The following PHF14 variants were observed in gnomAD, a reference collection of about 807,000 sequenced individuals.
PHF14 encodes PHD finger protein 14.
Under a neutral mutation model 117.9 loss-of-function variants are expected in PHF14, and 55 were observed. The observed-to-expected ratio is 0.47, with a 90% CI of 0.38 to 0.58. PHF14 has a LOEUF of 0.58. PHF14 is among the 20% of genes least tolerant of loss of function. PHF14 has a pLI of 0.00. For missense variants in PHF14, 978 were observed against 1,122.2 expected, an observed-to-expected ratio of 0.87 and a Z score of 1.84; for synonymous variants, 409 against 368.6, an observed-to-expected ratio of 1.11 and a Z score of -1.26.
chr7:11,053,693 G>A (rs1259450166), intron 14 of PHF14, among the ~76,000 whole-genome samples: 3 of 151,978 alleles, frequency 2.0e-5, no homozygotes, highest in East Asian at 1.9e-4. Flanking sequence ...GGGAAATTAT[G>A]TATATTACAG....
chr7:11,138,391 C>A (rs1323337247), intron 17 of PHF14, among the ~76,000 whole-genome samples: 1 of 151,900 alleles, frequency 6.6e-6, no homozygotes, highest in East Asian at 1.9e-4. Flanking sequence ...GAAAAAAAAA[C>A]ACAGTTGAGA....
rs1179855821 is a variant in PHF14, at chr7:10,990,747, A to G, written c.945A>G (p.Lys315=). The G allele has an allele frequency of 6.4e-7, 1 of 1,569,244 alleles. No homozygotes were observed. The highest frequency in any genetic ancestry group is 1.4e-5 in the African/African-American group (1 of 74,012). Residue 315 remains lysine, a synonymous_variant, in exon 4 of 18, where the codon AAA becomes AAG. Coordinates refer to ENST00000634607, the MANE Select transcript of PHF14 (RefSeq NM_001007157.2). ...AGAGTCAAAACTGGAGCTCTCAAAA[A>G]ATGGACCATATTCTGATTTGCTGTG... ...LEKSQNWSSQ[K]MDHILICCVC...
At chr7:10,976,449 A>C (rs1432313097) in intron 2 of PHF14, among the ~76,000 whole-genome samples, 1 of 152,180 alleles carries the variant, frequency 6.6e-6, no homozygotes, top group African/African-American at 2.4e-5. Flanking sequence ...AAACTTTGAC[A>C]AACATAGTTG....
chr7:11,040,723 A>G lies in PHF14; in HGVS notation c.2128A>G (p.Lys710Glu). ...AGCACCCAAGGAGAGAAAACCAAGT[A>G]AAAAAGAAGGAGGCACACAAAAGAC... ...LRAPKERKPS[K>E]KEGGTQKTST... Residue 710 changes from lysine to glutamate, a missense_variant, in exon 12 of 18, where the codon AAA becomes GAA. Transcript: ENST00000634607. 2 of 1,570,402 alleles carry G rather than the reference A, an allele frequency of 1.3e-6. No homozygotes were observed. Among genetic ancestry groups the G allele is most frequent in the Non-Finnish European group, 1.7e-6 (2 of 1,156,604 alleles).
chr7:11,074,432 G>T (rs1322917784), intron 16 of PHF14, among the ~76,000 whole-genome samples: 1 of 151,968 alleles, frequency 6.6e-6, no homozygotes, highest in Non-Finnish European at 1.5e-5. Context: ...GGATGGTCTC[G>T]ATCTCCTGAC....
chr7:11,041,899 T>TA (rs964501003), intron 12 of PHF14, among the ~76,000 whole-genome samples: 18 of 148,116 alleles, frequency 1.2e-4, no homozygotes, highest in East Asian at 3.9e-4. Context: ...TAGGAGTATT[T>TA]AAAAAAAAAA....
At chr7:11,078,191 G>C (rs1324810567) in intron 16 of PHF14, among the ~76,000 whole-genome samples, 1 of 152,068 alleles carries the variant, frequency 6.6e-6, no homozygotes, top group Non-Finnish European at 1.5e-5. Context: ...TGTGTCATTA[G>C]CTTAACCCTT....
At chr7:10,991,886 G>A (rs1446314719) in intron 4 of PHF14, among the ~76,000 whole-genome samples, 1 of 147,486 alleles carries the variant, frequency 6.8e-6, no homozygotes, top group Non-Finnish European at 1.5e-5. Context: ...GCATGAACCA[G>A]TGTGCCAGGC....
chr7:11,049,734 T>C (rs1025352084), intron 13 of PHF14, among the ~76,000 whole-genome samples: 3 of 152,322 alleles, frequency 2.0e-5, no homozygotes, highest in African/African-American at 7.2e-5. Flanking sequence ...AATATACTTA[T>C]CATTTCAATT....
intron 16 of PHF14, among the ~76,000 whole-genome samples, chr7:11,081,208 C>A (rs1786087007): frequency 6.6e-6 from 1 of 151,898 alleles, no homozygotes; most frequent in South Asian, 2.1e-4. Flanking sequence ...TCCCTTTTAC[C>A]CTGGTAGTAG....
At chr7:11,118,870 A>G (rs1229803345) in intron 17 of PHF14, among the ~76,000 whole-genome samples, 1 of 151,880 alleles carries the variant, frequency 6.6e-6, no homozygotes, top group African/African-American at 2.4e-5. Context: ...AATATGATTT[A>G]TTAAGATAAG....
chr7:11,001,130 A>G (rs1262566823), intron 4 of PHF14, among the ~76,000 whole-genome samples: 1 of 152,054 alleles, frequency 6.6e-6, no homozygotes, highest in African/African-American at 2.4e-5. Context: ...CAATTTTTCT[A>G]TCACCATTTG....
intron 17 of PHF14, among the ~76,000 whole-genome samples, chr7:11,145,145 A>C (rs988138989): frequency 1.3e-5 from 2 of 151,842 alleles, no homozygotes; most frequent in South Asian, 4.2e-4. Context: ...TTAAAAAAAA[A>C]CCCTCGGGAG....
At chr7:10,985,669 T>TTTTTG (rs1782198607) in intron 3 of PHF14, among the ~76,000 whole-genome samples, 1 of 115,340 alleles carries the variant, frequency 8.7e-6, no homozygotes, top group East Asian at 2.3e-4. Context: ...TTTTTTTTTT[T>TTTTTG]GGAGACAGGG....
intron 14 of PHF14, among the ~76,000 whole-genome samples, chr7:11,057,144 A>G (rs1207155026): frequency 2.0e-5 from 3 of 152,164 alleles, no homozygotes; most frequent in East Asian, 1.9e-4. Flanking sequence ...ACAAGTGAAT[A>G]TGTGAAGCCT....
intron 5 of PHF14, among the ~76,000 whole-genome samples, chr7:11,020,344 C>T (rs1325818057): frequency 6.6e-6 from 1 of 152,074 alleles, no homozygotes; most frequent in Non-Finnish European, 1.5e-5. Context: ...CCCACCTCAG[C>T]CTTCCAAACT....
intron 5 of PHF14, among the ~76,000 whole-genome samples, chr7:11,020,237 C>T (rs1376023745): frequency 2.6e-5 from 4 of 151,698 alleles, no homozygotes; most frequent in East Asian, 1.9e-4. Context: ...TATAGGTGTG[C>T]GCCACCACAC....
intron 16 of PHF14, among the ~76,000 whole-genome samples, chr7:11,096,886 A>G (rs1350954627): frequency 2.6e-5 from 4 of 152,046 alleles, no homozygotes; most frequent in South Asian, 2.1e-4. Flanking sequence ...ACTCATCTTC[A>G]AATGATTTCA....
At chr7:11,168,946 A>G (rs1189769685) in intron 17 of PHF14, among the ~76,000 whole-genome samples, 1 of 152,070 alleles carries the variant, frequency 6.6e-6, no homozygotes, top group Non-Finnish European at 1.5e-5. Context: ...CGACATGCAC[A>G]TGCTTCCTAT....
Sources: allele counts gnomAD v4.1 joint callset (sites outside exome capture counted in the v4.1 genomes callset), GRCh38; gene constraint gnomAD v4.1.1; transcripts MANE v1.5; gene names NCBI Gene and HGNC (gene_info 2026-07-23, HGNC 2026-07-21).